GATB: variants seen among roughly 807,000 people sequenced by gnomAD.
GATB encodes the protein glutamyl-tRNA amidotransferase subunit B.
In GATB, 39 loss-of-function variants were observed where a neutral mutation model predicts 62.3. The observed-to-expected ratio is 0.63, with a 90% confidence interval of 0.48 to 0.82. The LOEUF (loss-of-function observed/expected upper bound fraction) is 0.82. GATB is among the 40% of genes least tolerant of loss of function. The probability of loss-of-function intolerance (pLI) is 0.00; values close to 1 mark genes in which losing one functional copy is unlikely to be tolerated. For synonymous variants in GATB, 276 were observed against 258.9 expected (o/e 1.07, Z -0.63); for missense variants, 670 against 684.0 (o/e 0.98, Z 0.23).
intron 8 of GATB, among the ~76,000 whole-genome samples, chr4:151,702,403 T>C (rs1291375853): frequency 1.3e-5 from 2 of 152,194 alleles, no homozygotes; most frequent in African/African-American, 4.8e-5. Context: ...GTGGAACTTC[T>C]CAGTGTGACA....
intron 1 of GATB, among the ~76,000 whole-genome samples, chr4:151,760,072 C>T (rs866737807): frequency 6.6e-6 from 1 of 152,204 alleles, no homozygotes; most frequent in Non-Finnish European, 1.5e-5. Context: ...AAACTGAATA[C>T]TTCTTTCTGG....
chr4:151,683,556 T>G (rs1738187468), intron 10 of GATB, among the ~76,000 whole-genome samples: 1 of 152,074 alleles, frequency 6.6e-6, no homozygotes, highest in South Asian at 2.1e-4. Context: ...AGGTCCTGTT[T>G]CTCTCCCTGG....
At chr4:151,674,508 T>G (rs915090947) in intron 11 of GATB, 1 of 152,204 alleles carries the variant, frequency 6.6e-6, no homozygotes, top group Non-Finnish European at 1.5e-5. Flanking sequence ...ACAGGAGAGA[T>G]CAAAAGAGAT....
At chr4:151,698,614 C>T (rs1008642641) in intron 9 of GATB, among the ~76,000 whole-genome samples, 1 of 152,154 alleles carries the variant, frequency 6.6e-6, no homozygotes, top group African/African-American at 2.4e-5. Context: ...ATATCATTTT[C>T]GGGTATGTTA....
At chr4:151,715,717 T>C (rs922273601) in intron 5 of GATB, among the ~76,000 whole-genome samples, 1 of 152,226 alleles carries the variant, frequency 6.6e-6, no homozygotes, top group South Asian at 2.1e-4. Flanking sequence ...GTCTTCTTCC[T>C]GAGAAAGACT....
intron 9 of GATB, among the ~76,000 whole-genome samples, chr4:151,689,900 C>G (rs946219731): frequency 1.3e-5 from 2 of 152,064 alleles, no homozygotes; most frequent in South Asian, 4.1e-4. Flanking sequence ...GTAAGTCCAC[C>G]CCTACTATTT....
intron 10 of GATB, among the ~76,000 whole-genome samples, chr4:151,683,647 A>G (rs1029978720): frequency 6.6e-6 from 1 of 152,198 alleles, no homozygotes; most frequent in African/African-American, 2.4e-5. Flanking sequence ...TTCTGGAAAG[A>G]GCTAGGGTGC....
At chr4:151,738,046 C>T (rs892989469) in intron 2 of GATB, among the ~76,000 whole-genome samples, 75 of 152,118 alleles carry the variant, frequency 4.9e-4, no homozygotes, top group African/African-American at 1.3e-3. Flanking sequence ...TGGGGTACCA[C>T]GCTGTGAGAG....
At chr4:151,727,014 T>C (rs1739150671) in intron 2 of GATB, among the ~76,000 whole-genome samples, 2 of 152,174 alleles carry the variant, frequency 1.3e-5, no homozygotes, top group African/African-American at 4.8e-5. Flanking sequence ...TCTTCCAGGC[T>C]CAGGGGATAC....
intron 2 of GATB, among the ~76,000 whole-genome samples, chr4:151,748,828 C>A (rs1739657171): frequency 6.6e-6 from 1 of 152,064 alleles, no homozygotes; most frequent in Non-Finnish European, 1.5e-5. Context: ...AAAAAACAAC[C>A]CCATCAAAAG....
At position 151,708,082 on chromosome 4, in the gene GATB, A is replaced by T. The variant is rs1738750050; in HGVS notation, c.783T>A (p.Asp261Glu). The change falls in exon 6 of 13, where the codon GAT becomes GAA. Residue 261 changes from aspartate (D) to glutamate (E), a missense_variant. Physicochemically the swap from Asp to Glu is conservative, Grantham distance 45. Coordinates refer to ENST00000263985, the MANE Select transcript of GATB (RefSeq NM_004564.3). ...ANMAEGQLRVDANISVHHPGE... is the reference protein window; with the variant it reads ...ANMAEGQLRVEANISVHHPGE... ...CAGGGTGATGCACGGATATATTGGC[A>T]TCCACTCTCAACTGGCCCTCTGGAA... The T allele has an allele frequency of 6.2e-7, 1 of 1,613,292 alleles. No individual in the cohort carries two copies.
intron 2 of GATB, among the ~76,000 whole-genome samples, chr4:151,750,072 A>G (rs113719594): frequency 0.013 from 2,024 of 152,152 alleles, 41 homozygotes; most frequent in African/African-American, 0.046. Flanking sequence ...TAGTAGAGAC[A>G]GGGTTTCACC....
At chr4:151,700,672 A>G (rs1415659886) in intron 9 of GATB, among the ~76,000 whole-genome samples, 1 of 152,180 alleles carries the variant, frequency 6.6e-6, no homozygotes, top group Non-Finnish European at 1.5e-5. Flanking sequence ...ACGGTGACAA[A>G]ATACTACCCT....
At chr4:151,745,972 T>G (rs1035558009) in intron 2 of GATB, among the ~76,000 whole-genome samples, 1 of 152,246 alleles carries the variant, frequency 6.6e-6, no homozygotes, top group African/African-American at 2.4e-5. Context: ...GAGTTCTATG[T>G]TACATACAGA....
chr4:151,743,868 G>A (rs527281611), intron 2 of GATB, among the ~76,000 whole-genome samples: 17 of 152,314 alleles, frequency 1.1e-4, no homozygotes, highest in African/African-American at 3.8e-4. Context: ...ATCTGACTTT[G>A]TGAACTAATC....
intron 5 of GATB, among the ~76,000 whole-genome samples, chr4:151,709,015 AAG>A (rs955145786): frequency 2.0e-5 from 3 of 152,232 alleles, no homozygotes; most frequent in African/African-American, 7.2e-5. Context: ...CAACATTTAA[AAG>A]AGAACAGAGT....
intron 5 of GATB, among the ~76,000 whole-genome samples, chr4:151,711,901 T>C (rs1336338207): frequency 6.6e-6 from 1 of 152,188 alleles, no homozygotes; most frequent in Non-Finnish European, 1.5e-5. Flanking sequence ...CGGTAAGTTC[T>C]ACAGTTCCGT....
At chr4:151,696,675 CA>C (rs1307024351) in intron 9 of GATB, among the ~76,000 whole-genome samples, 2 of 152,186 alleles carry the variant, frequency 1.3e-5, no homozygotes, top group Non-Finnish European at 2.9e-5. Flanking sequence ...AAAAGTCGTA[CA>C]ATGTGAATTG....
intron 4 of GATB, 61 bp downstream of exon 4, chr4:151,716,815 G>C: frequency 6.7e-7 from 1 of 1,484,886 alleles, no homozygotes. Flanking sequence ...GGTGAAAAGA[G>C]GGCCCTGCTA....
Sources: allele counts gnomAD v4.1 joint callset (sites outside exome capture counted in the v4.1 genomes callset), GRCh38; gene constraint gnomAD v4.1.1; transcripts MANE v1.5; gene names NCBI Gene and HGNC (gene_info 2026-07-23, HGNC 2026-07-21).